Variants in MTA3 observed in about 807,000 individuals in gnomAD.
MTA3 encodes the protein metastasis associated 1 family member 3.
Under a neutral mutation model 83.5 loss-of-function variants are expected in MTA3, and 34 were observed. The observed-to-expected ratio is 0.41, with a 90% CI of 0.31 to 0.54. The LOEUF (loss-of-function observed/expected upper bound fraction) is 0.54, where lower values mean the gene tolerates loss of function less well. MTA3 is among the 20% of genes least tolerant of loss of function. MTA3 has a pLI of 0.33. For synonymous variants in MTA3, 303 were observed against 252.7 expected (o/e 1.20, Z -1.89); for missense variants, 761 against 726.4 (o/e 1.05, Z -0.55).
chr2:42,679,006 T>C (rs1486284387), intron 8 of MTA3, among the ~76,000 whole-genome samples: 3 of 152,108 alleles, frequency 2.0e-5, no homozygotes, highest in African/African-American at 7.2e-5. Context: ...TGGATATTCT[T>C]CTCATTTAAC....
chr2:42,695,988 G>T, intron 10 of MTA3, 149 bp downstream of exon 10: 2 of 544,026 alleles, frequency 3.7e-6, no homozygotes, highest in Non-Finnish European at 3.2e-6. Context: ...ATATCTTTAG[G>T]ATATTATTTA....
At chr2:42,574,085 C>G (rs1678781293) in intron 2 of MTA3, among the ~76,000 whole-genome samples, 2 of 150,892 alleles carry the variant, frequency 1.3e-5, no homozygotes, top group East Asian at 3.9e-4. Flanking sequence ...ATCCGCCTGC[C>G]TCGGCCTCCC....
chr2:42,645,203 C>T (rs963955150), intron 6 of MTA3, among the ~76,000 whole-genome samples: 4 of 140,386 alleles, frequency 2.8e-5, no homozygotes, highest in Non-Finnish European at 6.1e-5. Context: ...AAAAAAGCTA[C>T]ACCAGTGAAC....
intron 4 of MTA3, chr2:42,614,306 A>C (rs916963443): frequency 6.6e-6 from 1 of 152,180 alleles, no homozygotes; most frequent in Admixed American, 6.5e-5. Flanking sequence ...CATGTTGGTC[A>C]GGCTAGTCTG....
intron 4 of MTA3, among the ~76,000 whole-genome samples, chr2:42,636,096 T>C (rs748635383): frequency 1.3e-5 from 2 of 152,124 alleles, no homozygotes. Context: ...TTTAGTGAAC[T>C]TAAAAAAGTT....
chr2:42,720,858 G>T (rs539596314), intron 15 of MTA3, among the ~76,000 whole-genome samples: 1 of 150,012 alleles, frequency 6.7e-6, no homozygotes, highest in Non-Finnish European at 1.5e-5. Context: ...TGAGGTGGGA[G>T]GATTGACCGC....
intron 2 of MTA3, among the ~76,000 whole-genome samples, chr2:42,503,041 T>G (rs1049478277): frequency 2.6e-5 from 4 of 151,744 alleles, no homozygotes; most frequent in African/African-American, 9.7e-5. Context: ...GGTTATTGGA[T>G]CTCACACAAG....
At chr2:42,587,942 A>C (rs1348483303) in intron 3 of MTA3, among the ~76,000 whole-genome samples, 3 of 152,146 alleles carry the variant, frequency 2.0e-5, no homozygotes, top group Admixed American at 6.6e-5. Flanking sequence ...TATCTTATGA[A>C]TCACTGCAAC....
intron 3 of MTA3, among the ~76,000 whole-genome samples, chr2:42,594,729 T>TATATA (rs1491154379): frequency 1.6e-4 from 3 of 19,150 alleles, no homozygotes; most frequent in African/African-American, 1.0e-3. Flanking sequence ...TATATATATA[T>TATATA]TTTTTTTTTT....
At chr2:42,567,077 T>A (rs984410749), upstream of MTA3, among the ~76,000 whole-genome samples, 2 of 152,132 alleles carry the variant, frequency 1.3e-5, no homozygotes, top group Middle Eastern at 6.8e-3. Flanking sequence ...GGGTCAGAAT[T>A]TGACACATGG....
chr2:42,525,507 C>CTTCCTTCCTTCCTTCCTTCT (rs1553337618), intron 2 of MTA3, among the ~76,000 whole-genome samples: 1 of 59,854 alleles, frequency 1.7e-5, no homozygotes, highest in African/African-American at 6.8e-5. Context: ...TCCTTCCTTC[C>CTTCCTTCCTTCCTTCCTTCT]CCTTCCTTTC....
upstream of MTA3, among the ~76,000 whole-genome samples, chr2:42,566,880 GATTCAT>G (rs1677936138): frequency 6.6e-6 from 1 of 152,200 alleles, no homozygotes; most frequent in South Asian, 2.1e-4. Flanking sequence ...GGAAAGGGCT[GATTCAT>G]AATCCCAAAA....
intron 2 of MTA3, among the ~76,000 whole-genome samples, chr2:42,514,471 C>T (rs1675043594): frequency 6.6e-6 from 1 of 152,000 alleles, no homozygotes; most frequent in Non-Finnish European, 1.5e-5. Context: ...ACAACCTCCA[C>T]CTCCAGGATT....
chr2:42,556,388 C>T (rs1231852028), intron 2 of MTA3, among the ~76,000 whole-genome samples: 1 of 152,244 alleles, frequency 6.6e-6, no homozygotes, highest in African/African-American at 2.4e-5. Flanking sequence ...TCATTTGTGA[C>T]GCTCTCTGCC....
intron 6 of MTA3, among the ~76,000 whole-genome samples, chr2:42,654,012 C>T (rs982267930): frequency 1.3e-5 from 2 of 152,176 alleles, no homozygotes; most frequent in East Asian, 1.9e-4. Flanking sequence ...TTTAACTGGT[C>T]TTTAAAAATG....
At chr2:42,604,602 T>A (rs1683009904) in intron 3 of MTA3, among the ~76,000 whole-genome samples, 1 of 147,442 alleles carries the variant, frequency 6.8e-6, no homozygotes, top group African/African-American at 2.5e-5. Context: ...TTTATTTTTT[T>A]ATTGATAATT....
intron 16 of MTA3, among the ~76,000 whole-genome samples, chr2:42,725,690 G>C (rs941312735): frequency 6.6e-6 from 1 of 152,220 alleles, no homozygotes; most frequent in Non-Finnish European, 1.5e-5. Flanking sequence ...CAGGAGGTGT[G>C]ATGAGGCTGG....
chr2:42,733,285 G>T (rs1668368142), intron 16 of MTA3, among the ~76,000 whole-genome samples: 1 of 152,186 alleles, frequency 6.6e-6, no homozygotes, highest in Non-Finnish European at 1.5e-5. Flanking sequence ...GTGACAGCAA[G>T]AGAAAATGAA....
In MTA3 at chr2:42,705,476, G is replaced by A. The variant is rs557272514; in HGVS notation, c.1150+1158G>A. On this transcript the variant is annotated intron_variant, in intron 12 of 16. Transcript: ENST00000405094. ...TCCCAGCACTTTGGGAGGCTGAGGC[G>A]GGTGAATCACCTGAGGTCAGGAGTT... Among the ~76,000 whole-genome samples the A allele has an allele frequency of 3.9e-3, 588 of 152,214 alleles. 3 individuals are homozygous for A. Among genetic ancestry groups the A allele is most frequent in the Non-Finnish European group, 5.2e-3 (352 of 67,998 alleles).
Sources: allele counts gnomAD v4.1 joint callset (sites outside exome capture counted in the v4.1 genomes callset), GRCh38; gene constraint gnomAD v4.1.1; transcripts MANE v1.5; gene names NCBI Gene and HGNC (gene_info 2026-07-23, HGNC 2026-07-21).